PDE1C: variants seen among roughly 807,000 people sequenced by gnomAD.
PDE1C encodes dual specificity calcium/calmodulin-dependent 3',5'-cyclic nucleotide phosphodiesterase 1C.
PDE1C carries 62 observed loss-of-function variants against 93.1 expected under a neutral mutation model. The ratio of observed to expected loss-of-function variants is 0.67; its 90% CI spans 0.54 to 0.82. The LOEUF (loss-of-function observed/expected upper bound fraction) is 0.82, where lower values mean the gene tolerates loss of function less well. PDE1C is among the 40% of genes least tolerant of loss of function. The pLI is 0.00. For missense variants in PDE1C, 742 were observed against 884.6 expected, an observed-to-expected ratio of 0.84 and a Z score of 2.04; for synonymous variants, 325 against 310.1, an observed-to-expected ratio of 1.05 and a Z score of -0.50.
At chr7:32,243,133 G>A (rs1422014735) in intron 1 of PDE1C, among the ~76,000 whole-genome samples, 1 of 152,158 alleles carries the variant, frequency 6.6e-6, no homozygotes, top group African/African-American at 2.4e-5. Flanking sequence ...AGAGAGTAAG[G>A]AGGGAGAGTG....
the PDE1C span, among the ~76,000 whole-genome samples, chr7:31,690,479 A>C: frequency 6.6e-6 from 1 of 152,240 alleles, no homozygotes; most frequent in Admixed American, 6.5e-5. Flanking sequence ...TTATTGTAGC[A>C]GACTTAACTT....
chr7:31,922,494 A>T (rs1802756450), intron 2 of PDE1C, among the ~76,000 whole-genome samples: 1 of 152,210 alleles, frequency 6.6e-6, no homozygotes, highest in African/African-American at 2.4e-5. Flanking sequence ...AATATGTATA[A>T]ATGTTTATTT....
intron 1 of PDE1C, among the ~76,000 whole-genome samples, chr7:32,313,903 A>G (rs975196619): frequency 1.3e-5 from 2 of 152,070 alleles, no homozygotes; most frequent in African/African-American, 4.8e-5. Flanking sequence ...TTAAAGTATA[A>G]TAATAATAAA....
chr7:31,753,915 C>G (rs1794274921), intron 17 of PDE1C, among the ~76,000 whole-genome samples: 1 of 152,194 alleles, frequency 6.6e-6, no homozygotes. Context: ...CAGCATTTAG[C>G]ATTGTATGTA....
At chr7:32,036,736 C>T (rs1207620979) in intron 2 of PDE1C, among the ~76,000 whole-genome samples, 1 of 152,138 alleles carries the variant, frequency 6.6e-6, no homozygotes, top group Non-Finnish European at 1.5e-5. Context: ...CACAACTTAA[C>T]CAAGAATGAC....
intron 16 of PDE1C, among the ~76,000 whole-genome samples, chr7:31,798,376 G>A (rs868836245): frequency 2.0e-5 from 3 of 151,518 alleles, no homozygotes; most frequent in African/African-American, 4.8e-5. Flanking sequence ...CACATATCCC[G>A]AGCTCCCAGA....
chr7:32,305,246 C>T (rs376651320), intron 1 of PDE1C, among the ~76,000 whole-genome samples: 11 of 152,306 alleles, frequency 7.2e-5, no homozygotes, highest in Admixed American at 3.3e-4. Flanking sequence ...CCTCATAATG[C>T]ATATTGTCTT....
intron 1 of PDE1C, among the ~76,000 whole-genome samples, chr7:32,307,742 C>A (rs554901695): frequency 4.1e-4 from 62 of 152,220 alleles, no homozygotes; most frequent in Non-Finnish European, 7.6e-4. Context: ...ATAAAGCGGG[C>A]CCGAGGTGGA....
intron 2 of PDE1C, among the ~76,000 whole-genome samples, chr7:32,183,399 T>G (rs1315631165): frequency 6.6e-6 from 1 of 152,146 alleles, no homozygotes; most frequent in Non-Finnish European, 1.5e-5. Context: ...GACTTCAAAC[T>G]ATACTACAAG....
At chr7:31,881,365 G>GT (rs1797230272) in intron 2 of PDE1C, among the ~76,000 whole-genome samples, 1 of 152,048 alleles carries the variant, frequency 6.6e-6, no homozygotes, top group Non-Finnish European at 1.5e-5. Flanking sequence ...AAAGTAAATT[G>GT]TTTTACTGGA....
At chr7:32,186,459 G>A (rs1803889954) in intron 2 of PDE1C, among the ~76,000 whole-genome samples, 2 of 152,060 alleles carry the variant, frequency 1.3e-5, no homozygotes, top group African/African-American at 2.4e-5. Context: ...CATGTCACCC[G>A]TTTGACATGT....
upstream of PDE1C, among the ~76,000 whole-genome samples, chr7:32,301,463 TAA>T (rs1812879978): frequency 6.6e-6 from 1 of 152,232 alleles, no homozygotes; most frequent in Non-Finnish European, 1.5e-5. Flanking sequence ...CTCTGTCCCC[TAA>T]AGTCTGGTAA....
At chr7:32,003,996 C>T (rs1478028237) in intron 2 of PDE1C, among the ~76,000 whole-genome samples, 1 of 152,026 alleles carries the variant, frequency 6.6e-6, no homozygotes, top group Non-Finnish European at 1.5e-5. Context: ...TCTGTGAAGA[C>T]TTCCCACTGT....
intron 3 of PDE1C, among the ~76,000 whole-genome samples, chr7:32,086,442 T>C (rs1451317889): frequency 2.6e-5 from 4 of 152,154 alleles, no homozygotes; most frequent in South Asian, 2.1e-4. Context: ...AGGTAATTTA[T>C]AGATTCAATG....
intron 2 of PDE1C, among the ~76,000 whole-genome samples, chr7:32,033,404 A>G (rs1209415879): frequency 6.6e-6 from 1 of 152,190 alleles, no homozygotes; most frequent in African/African-American, 2.4e-5. Flanking sequence ...TGCCACTCTG[A>G]GCATCAAAGG....
chr7:32,350,212 A>G (rs1373973602), intron 1 of PDE1C, among the ~76,000 whole-genome samples: 1 of 152,144 alleles, frequency 6.6e-6, no homozygotes, highest in African/African-American at 2.4e-5. Flanking sequence ...TCCCAGCACC[A>G]ACTACCATCA....
chr7:32,299,805 G>T (rs531228451), upstream of PDE1C, among the ~76,000 whole-genome samples: 98 of 152,326 alleles, frequency 6.4e-4, 1 homozygote, highest in African/African-American at 2.3e-3. Flanking sequence ...AATTATTGAG[G>T]ATTTACAGTT....
intron 1 of PDE1C, among the ~76,000 whole-genome samples, chr7:32,067,262 A>T (rs75190997): frequency 6.6e-6 from 1 of 152,328 alleles, no homozygotes; most frequent in Admixed American, 6.5e-5. Flanking sequence ...TCAAATATGT[A>T]TTACTGTATA....
chr7:32,135,697 G>A (rs547569517), intron 3 of PDE1C, among the ~76,000 whole-genome samples: 1 of 152,286 alleles, frequency 6.6e-6, no homozygotes, highest in African/African-American at 2.4e-5. Flanking sequence ...ATGAAAAACA[G>A]TATAGAGGTT....
Sources: gnomAD v4.1 joint callset for allele counts (sites outside exome capture counted in the v4.1 genomes callset) on GRCh38, gnomAD v4.1.1 for gene constraint, MANE v1.5 for transcripts, NCBI Gene and HGNC (gene_info 2026-07-23, HGNC 2026-07-21) for gene names.